IQGAP1: variants seen among roughly 807,000 people sequenced by gnomAD.
IQGAP1 encodes the protein ras GTPase-activating-like protein IQGAP1.
In IQGAP1, 66 loss-of-function variants were observed where a neutral mutation model predicts 215.6. The observed-to-expected ratio is 0.31, with a 90% confidence interval of 0.25 to 0.38. IQGAP1 has a LOEUF of 0.38. Ranked by LOEUF, IQGAP1 falls within the 10% of genes least tolerant of loss-of-function variation. The pLI is 1.00. For synonymous variants in IQGAP1, 772 were observed against 728.7 expected, an observed-to-expected ratio of 1.06 and a Z score of -0.96; for missense variants, 1,712 against 1,997.1, an observed-to-expected ratio of 0.86 and a Z score of 2.72.
intron 15 of IQGAP1, among the ~76,000 whole-genome samples, chr15:90,464,851 C>CAAA (rs397763798): frequency 7.8e-6 from 1 of 128,140 alleles, no homozygotes; most frequent in Non-Finnish European, 1.7e-5. Flanking sequence ...GACTCTGTCT[C>CAAA]AAAAAAAAAA....
chr15:90,487,162 T>A, intron 32 of IQGAP1, 73 bp downstream of exon 32: 7 of 1,472,290 alleles, frequency 4.8e-6, no homozygotes, highest in Non-Finnish European at 6.6e-6. Flanking sequence ...AGGAACCTGC[T>A]GGGTCCTACC....
chr15:90,484,848 CT>C (rs2151036462), intron 30 of IQGAP1, among the ~76,000 whole-genome samples: 1 of 152,276 alleles, frequency 6.6e-6, no homozygotes, highest in East Asian at 1.9e-4. Flanking sequence ...TGCTAAGTTT[CT>C]AAAAGGTCTT....
At chr15:90,452,989 G>A in intron 12 of IQGAP1, 51 bp downstream of exon 12, 1 of 1,598,288 alleles carries the variant, frequency 6.3e-7, no homozygotes, top group East Asian at 2.2e-5. Context: ...GTGGACGTGA[G>A]TGTAATACCC....
At chr15:90,450,330 CTTTTTTTTTTTTTTTTTTTT>C (rs869037347) in intron 11 of IQGAP1, among the ~76,000 whole-genome samples, 10 of 54,460 alleles carry the variant, frequency 1.8e-4, no homozygotes, top group African/African-American at 7.8e-4. Context: ...TATACACTAC[CTTTTTTTTTTTTTTTTTTTT>C]TTTTTTTTTT....
At chr15:90,412,847 T>G (rs185546744) in intron 2 of IQGAP1, among the ~76,000 whole-genome samples, 1 of 152,168 alleles carries the variant, frequency 6.6e-6, no homozygotes. Flanking sequence ...AGGAACTGAA[T>G]CTCAGTGGCT....
chr15:90,400,145 T>G (rs1446124347), intron 2 of IQGAP1, among the ~76,000 whole-genome samples: 2 of 144,524 alleles, frequency 1.4e-5, no homozygotes, highest in African/African-American at 5.6e-5. Flanking sequence ...AGACTCTTCT[T>G]GGTTTATAAT....
intron 2 of IQGAP1, among the ~76,000 whole-genome samples, chr15:90,392,651 A>C (rs973223308): frequency 3.3e-5 from 5 of 152,102 alleles, no homozygotes; most frequent in African/African-American, 1.2e-4. Flanking sequence ...TAACTAGTTC[A>C]ACTGCTAATC....
intron 2 of IQGAP1, among the ~76,000 whole-genome samples, chr15:90,410,186 C>T (rs576976833): frequency 8.5e-5 from 13 of 152,224 alleles, no homozygotes; most frequent in East Asian, 3.9e-4. Flanking sequence ...CTTTTGTTGC[C>T]GTTGCTTTTG....
chr15:90,428,448 A>G (rs1046443670), intron 3 of IQGAP1, among the ~76,000 whole-genome samples: 1 of 151,986 alleles, frequency 6.6e-6, no homozygotes, highest in Non-Finnish European at 1.5e-5. Flanking sequence ...GAATGGGAAG[A>G]TAGTGTAAAA....
At chr15:90,456,422 G>A in intron 15 of IQGAP1, 107 bp downstream of exon 15, 1 of 1,101,454 alleles carries the variant, frequency 9.1e-7, no homozygotes, top group African/African-American at 1.6e-5. Flanking sequence ...ATGCCTTCTG[G>A]GCACCCTTAG....
At chr15:90,499,915 A>C (rs1966319495) in intron 37 of IQGAP1, 80 bp from the exon 38 acceptor site, 1 of 925,170 alleles carries the variant, frequency 1.1e-6, no homozygotes, top group African/African-American at 1.6e-5. Flanking sequence ...CCCTCCCTAC[A>C]TTGTGTCCTT....
intron 2 of IQGAP1, among the ~76,000 whole-genome samples, chr15:90,425,151 A>C (rs1456886597): frequency 6.6e-6 from 1 of 152,128 alleles, no homozygotes; most frequent in East Asian, 1.9e-4. Context: ...CTCTACTAAA[A>C]ATACAAAAAT....
At position 90,392,768 on chromosome 15, in the gene IQGAP1, A is replaced by G. The variant is rs1431233384; in HGVS notation, c.155+1895A>G. On this transcript the variant is annotated intron_variant, in intron 2 of 37. Transcript: ENST00000268182. ...TCTATCTTTTTTTTTTTTTTTTTGT[A>G]CAGTCTCGCTCTGTTGCCCAGGCTG... Among the ~76,000 whole-genome samples the G allele has an allele frequency of 3.0e-3, 73 of 24,256 alleles. No homozygotes were observed. In the East Asian group the frequency reaches 0.081, roughly 27 times the overall value. The allele number at this position is 24,256 out of a possible 152,430, so 15.9% of individuals were successfully genotyped here.
chr15:90,479,887 C>T (rs543633425), intron 26 of IQGAP1, among the ~76,000 whole-genome samples: 32 of 152,194 alleles, frequency 2.1e-4, no homozygotes, highest in Admixed American at 5.9e-4. Flanking sequence ...TGTGGTCAGC[C>T]AAGTGCAATA....
intron 9 of IQGAP1, among the ~76,000 whole-genome samples, chr15:90,447,710 TTTTTG>T (rs920210858): frequency 1.3e-5 from 2 of 152,214 alleles, no homozygotes; most frequent in Admixed American, 6.5e-5. Flanking sequence ...TAAGAATACC[TTTTTG>T]TTTTGTTTTG....
rs550262812 is a variant in IQGAP1 at position 90,388,254 on chromosome 15, C to G, written c.-88C>G. On this transcript the variant is annotated 5_prime_UTR_variant, in exon 1 of 38. Transcript: ENST00000268182. ...GCGGGGCCTCGGGGACCCCGGCAAG[C>G]CCGCGCACTTGGCAGGAGCTGTAGC... 1.4e-6 allele frequency: 2 copies of G among 1,464,254 alleles called. No individual in the cohort carries two copies. Among genetic ancestry groups the G allele is most frequent in the Non-Finnish European group, 1.9e-6 (2 of 1,073,800 alleles). The allele number at this position is 1,464,254 out of a possible 1,614,324, so 90.7% of individuals were successfully genotyped here.
At chr15:90,431,587 A>G (rs1567124114) in intron 4 of IQGAP1, among the ~76,000 whole-genome samples, 1 of 152,186 alleles carries the variant, frequency 6.6e-6, no homozygotes, top group African/African-American at 2.4e-5. Flanking sequence ...TAACAGTAGT[A>G]TATTGTCCTG....
intron 2 of IQGAP1, among the ~76,000 whole-genome samples, chr15:90,397,032 T>C (rs1165507374): frequency 6.6e-6 from 1 of 152,056 alleles, no homozygotes; most frequent in Non-Finnish European, 1.5e-5. Context: ...TTTGTATTTT[T>C]AGTAGAGATG....
chr15:90,396,910 T>C (rs1964729054), intron 2 of IQGAP1, among the ~76,000 whole-genome samples: 1 of 151,768 alleles, frequency 6.6e-6, no homozygotes, highest in Admixed American at 6.6e-5. Context: ...TGGAGTGCAG[T>C]GGTGCGATCT....
Sources: allele counts gnomAD v4.1 joint callset (sites outside exome capture counted in the v4.1 genomes callset), GRCh38; gene constraint gnomAD v4.1.1; transcripts MANE v1.5; gene names NCBI Gene and HGNC (gene_info 2026-07-23, HGNC 2026-07-21).